PDE4D: variants seen among roughly 807,000 people sequenced by gnomAD.
PDE4D encodes phosphodiesterase 4D, also known as 3',5'-cyclic-AMP phosphodiesterase 4D.
PDE4D carries 24 observed loss-of-function variants against 87.4 expected under a neutral mutation model. That is an observed-to-expected ratio of 0.27 (90% CI 0.20 to 0.39). PDE4D has a LOEUF of 0.39. PDE4D is among the 10% of genes least tolerant of loss of function. PDE4D has a pLI of 1.00. For missense variants in PDE4D, 714 were observed against 1,041.0 expected (o/e 0.69, Z 4.32); for synonymous variants, 384 against 383.2 (o/e 1.00, Z -0.02).
At chr5:59,326,723 T>C (rs749085313) in intron 1 of PDE4D, among the ~76,000 whole-genome samples, 17 of 148,126 alleles carry the variant, frequency 1.1e-4, no homozygotes, top group Non-Finnish European at 1.8e-4. Flanking sequence ...CTAAAACACA[T>C]GTTACAATGA....
intron 1 of PDE4D, among the ~76,000 whole-genome samples, chr5:59,366,149 GCTT>G (rs375794155): frequency 4.1e-4 from 62 of 152,226 alleles, no homozygotes; most frequent in African/African-American, 1.4e-3. Context: ...TTAAGAAACT[GCTT>G]CTTAACAGGT....
At chr5:59,966,350 A>C (rs961265145) in intron 3 of PDE4D, among the ~76,000 whole-genome samples, 1 of 152,186 alleles carries the variant, frequency 6.6e-6, no homozygotes, top group Non-Finnish European at 1.5e-5. Flanking sequence ...GGGAGGGGAA[A>C]ATGTAGATTC....
chr5:59,124,559 G>A (rs568351114), intron 5 of PDE4D, among the ~76,000 whole-genome samples: 4 of 152,212 alleles, frequency 2.6e-5, no homozygotes, highest in African/African-American at 9.6e-5. Context: ...ACCCATATCA[G>A]TTACTTTACT....
chr5:59,641,110 C>T (rs942330974), intron 1 of PDE4D, among the ~76,000 whole-genome samples: 1 of 152,098 alleles, frequency 6.6e-6, no homozygotes, highest in Non-Finnish European at 1.5e-5. Context: ...CTTTCTCCGG[C>T]TTCCTAGTTT....
At chr5:59,370,563 C>T (rs1357591782) in intron 1 of PDE4D, among the ~76,000 whole-genome samples, 1 of 152,202 alleles carries the variant, frequency 6.6e-6, no homozygotes, top group Non-Finnish European at 1.5e-5. Context: ...TAAAATCACA[C>T]TCGTATTACT....
intron 1 of PDE4D, among the ~76,000 whole-genome samples, chr5:59,275,087 A>G (rs1387090850): frequency 1.3e-5 from 2 of 152,108 alleles, no homozygotes; most frequent in Non-Finnish European, 2.9e-5. Flanking sequence ...AACTCCCAAC[A>G]TATCTGCAAG....
chr5:59,958,949 T>G (rs911640470), intron 3 of PDE4D, among the ~76,000 whole-genome samples: 5 of 152,102 alleles, frequency 3.3e-5, no homozygotes, highest in African/African-American at 1.2e-4. Context: ...AAACCTAATG[T>G]CTCCACCAAA....
At chr5:59,440,560 T>C (rs1293663211) in intron 1 of PDE4D, among the ~76,000 whole-genome samples, 1 of 152,194 alleles carries the variant, frequency 6.6e-6, no homozygotes, top group Non-Finnish European at 1.5e-5. Flanking sequence ...GCAGATCATC[T>C]GAGGTTGGGA....
intron 1 of PDE4D, among the ~76,000 whole-genome samples, chr5:59,888,866 T>C (rs549625216): frequency 3.3e-5 from 5 of 152,230 alleles, no homozygotes; most frequent in African/African-American, 1.2e-4. Context: ...AATGAAAACC[T>C]AATTTCTTTT....
At chr5:59,654,748 C>T (rs1744084394) in intron 1 of PDE4D, among the ~76,000 whole-genome samples, 1 of 152,064 alleles carries the variant, frequency 6.6e-6, no homozygotes, top group Non-Finnish European at 1.5e-5. Context: ...CATACCCCCT[C>T]CAACCCTAGG....
intron 1 of PDE4D, among the ~76,000 whole-genome samples, chr5:59,622,684 A>G (rs1267206644): frequency 6.6e-6 from 1 of 152,192 alleles, no homozygotes; most frequent in Non-Finnish European, 1.5e-5. Flanking sequence ...GCGCATCAGC[A>G]CCTGGGAGAC....
chr5:59,014,504 CAG>C (rs1479257130), intron 6 of PDE4D, among the ~76,000 whole-genome samples: 1 of 152,148 alleles, frequency 6.6e-6, no homozygotes, highest in Non-Finnish European at 1.5e-5. Context: ...ACACCAATAA[CAG>C]ACAAACAGCC....
intron 2 of PDE4D, among the ~76,000 whole-genome samples, chr5:60,104,639 C>G (rs1041779217): frequency 6.6e-6 from 1 of 152,198 alleles, no homozygotes; most frequent in African/African-American, 2.4e-5. Context: ...ACACCACACA[C>G]GGCCAAGTAC....
intron 1 of PDE4D, among the ~76,000 whole-genome samples, chr5:59,470,060 C>G (rs1020140646): frequency 3.3e-5 from 5 of 152,000 alleles, no homozygotes; most frequent in African/African-American, 1.2e-4. Context: ...TTTTAATAAG[C>G]ACCCCTGGTA....
intron 1 of PDE4D, among the ~76,000 whole-genome samples, chr5:59,649,279 G>A (rs1360109462): frequency 6.6e-6 from 1 of 152,138 alleles, no homozygotes; most frequent in Non-Finnish European, 1.5e-5. Context: ...AAGATATGAG[G>A]AAGAGAATAA....
chr5:59,989,641 A>G (rs186587400), intron 2 of PDE4D, among the ~76,000 whole-genome samples: 1 of 152,278 alleles, frequency 6.6e-6, no homozygotes, highest in East Asian at 1.9e-4. Context: ...GAATTTTGCA[A>G]ATTTGATCCA....
chr5:58,984,448 C>T (rs1412649576), intron 11 of PDE4D, among the ~76,000 whole-genome samples: 2 of 152,160 alleles, frequency 1.3e-5, no homozygotes, highest in South Asian at 2.1e-4. Flanking sequence ...GCTTGCAGTA[C>T]ATTTTTGTTG....
At chr5:60,176,160 T>A (rs1206215763) in intron 2 of PDE4D, among the ~76,000 whole-genome samples, 1 of 152,302 alleles carries the variant, frequency 6.6e-6, no homozygotes, top group East Asian at 1.9e-4. Flanking sequence ...CACATTTTCA[T>A]GCTAGCCCAT....
intron 1 of PDE4D, among the ~76,000 whole-genome samples, chr5:59,549,232 A>G (rs1817734661): frequency 6.6e-6 from 1 of 152,206 alleles, no homozygotes. Flanking sequence ...CTACCATTGT[A>G]TATGGCCTCC....
Sources: gnomAD v4.1 joint callset for allele counts (sites outside exome capture counted in the v4.1 genomes callset) on GRCh38, gnomAD v4.1.1 for gene constraint, MANE v1.5 for transcripts, NCBI Gene and HGNC (gene_info 2026-07-23, HGNC 2026-07-21) for gene names.